TC2N: variants seen among roughly 807,000 people sequenced by gnomAD.
The protein encoded by TC2N is tandem C2 domains, nuclear, also known as tandem C2 domains nuclear protein.
TC2N carries 51 observed loss-of-function variants against 61.9 expected under a neutral mutation model. That is an observed-to-expected ratio of 0.82 (90% CI 0.66 to 1.04). TC2N has a LOEUF of 1.04. Among genes scored for constraint, TC2N ranks in the 50% least tolerant of loss-of-function variants. The probability of loss-of-function intolerance (pLI) is 0.00; values close to 1 mark genes in which losing one functional copy is unlikely to be tolerated. For missense variants in TC2N, 556 were observed against 566.7 expected (o/e 0.98, Z 0.19); for synonymous variants, 204 against 192.6 (o/e 1.06, Z -0.49).
intron 1 of TC2N, among the ~76,000 whole-genome samples, chr14:91,862,732 T>A (rs756420410): frequency 1.3e-5 from 2 of 152,250 alleles, no homozygotes; most frequent in Non-Finnish European, 2.9e-5. Context: ...TGTGCCTTAT[T>A]GTTCCAAAAC....
chr14:91,857,888 G>T (rs1328346589), intron 1 of TC2N, among the ~76,000 whole-genome samples: 2 of 152,192 alleles, frequency 1.3e-5, no homozygotes, highest in African/African-American at 4.8e-5. Flanking sequence ...AAGTGTTCAT[G>T]CAGGGATATT....
At chr14:91,783,623 T>C (rs79556865) in intron 11 of TC2N, among the ~76,000 whole-genome samples, 2,959 of 152,208 alleles carry the variant, frequency 0.019, 94 homozygotes, top group African/African-American at 0.067. Flanking sequence ...AATGTGCATT[T>C]TAAATCACCT....
At chr14:91,860,410 T>C (rs1008207706) in intron 1 of TC2N, among the ~76,000 whole-genome samples, 2 of 152,156 alleles carry the variant, frequency 1.3e-5, no homozygotes, top group African/African-American at 4.8e-5. Flanking sequence ...TCTCAGAGCC[T>C]TCAGTTTTCT....
rs143036210 is a variant in TC2N, at chr14:91,810,040, A to G, written c.301+2272T>C. ...CTGTTTTGTAGTGTGTACAGGAAGC[A>G]TGGTGCCAGCATCTGCTTCTAATCA... On this transcript the variant is annotated intron_variant, in intron 3 of 11. Coordinates refer to ENST00000435962, the MANE Select transcript of TC2N (RefSeq NM_001128596.3). Among the ~76,000 whole-genome samples, 101 of 152,336 alleles carry G rather than the reference A, an allele frequency of 6.6e-4. 2 individuals are homozygous for G. The East Asian group carries it at 0.018, about 27-fold the overall frequency.
chr14:91,809,878 A>G (rs186608656), intron 3 of TC2N, among the ~76,000 whole-genome samples: 2 of 152,312 alleles, frequency 1.3e-5, no homozygotes, highest in Admixed American at 6.5e-5. Flanking sequence ...TTTAAGTCCA[A>G]CCAGTTTACT....
At chr14:91,847,180 C>T (rs1252336524) in intron 1 of TC2N, among the ~76,000 whole-genome samples, 1 of 151,706 alleles carries the variant, frequency 6.6e-6, no homozygotes, top group Non-Finnish European at 1.5e-5. Context: ...ATTGCTTGAA[C>T]CCGGGAGGCA....
chr14:91,815,546 T>A (rs544198117), intron 1 of TC2N, among the ~76,000 whole-genome samples: 1 of 151,852 alleles, frequency 6.6e-6, no homozygotes, highest in African/African-American at 2.4e-5. Context: ...GTGCCTTTGT[T>A]CTAAATGCAC....
intron 8 of TC2N, among the ~76,000 whole-genome samples, chr14:91,794,524 G>A (rs1275630470): frequency 6.6e-6 from 1 of 152,086 alleles, no homozygotes; most frequent in Non-Finnish European, 1.5e-5. Context: ...GAAAATCCTA[G>A]GGCCCTTAAG....
At chr14:91,832,970 G>GTAAATGAT (rs1335519515) in intron 1 of TC2N, among the ~76,000 whole-genome samples, 2 of 152,160 alleles carry the variant, frequency 1.3e-5, no homozygotes, top group African/African-American at 4.8e-5. Flanking sequence ...AAAGCCATAG[G>GTAAATGAT]ATTCACATAG....
chr14:91,827,831 C>A (rs1047642864), intron 1 of TC2N, among the ~76,000 whole-genome samples: 3 of 152,242 alleles, frequency 2.0e-5, no homozygotes, highest in South Asian at 2.1e-4. Context: ...CTTTTATATT[C>A]TCCTGTTGCA....
chr14:91,790,649 A>T (rs1885598930), intron 9 of TC2N, among the ~76,000 whole-genome samples: 1 of 152,212 alleles, frequency 6.6e-6, no homozygotes, highest in African/African-American at 2.4e-5. Context: ...TCCCCAGAAA[A>T]TCCCTGAGTT....
At position 91,851,839 on chromosome 14, in the gene TC2N, C is replaced by T. The variant is rs560525811; in HGVS notation, c.-57+15423G>A. Among the ~76,000 whole-genome samples the T allele has an allele frequency of 2.0e-5, 3 of 152,314 alleles. No individual in the cohort carries two copies. In the South Asian group the frequency reaches 6.2e-4, roughly 32 times the overall value. On this transcript the variant is annotated intron_variant, in intron 1 of 11. Coordinates refer to ENST00000435962, the MANE Select transcript of TC2N (RefSeq NM_001128596.3). ...AGTAAAACTCTATACGTGGTGGAGT[C>T]TAGCTACTAAGACAAAAAGTGGTCC... is the stretch of plus-strand genomic sequence containing the variant.
chr14:91,791,214 AG>A (rs1418070465), intron 9 of TC2N, among the ~76,000 whole-genome samples: 5 of 37,804 alleles, frequency 1.3e-4, no homozygotes, highest in Non-Finnish European at 2.1e-4. Flanking sequence ...AGAAGAGGGG[AG>A]GGGAGGGAAG....
Position 91,782,829 on chromosome 14 carries a change from C to A in TC2N, c.*271G>T. The A allele has an allele frequency of 6.0e-6, 2 of 335,288 alleles. No individual in the cohort carries two copies. Among genetic ancestry groups the A allele is most frequent in the Non-Finnish European group, 1.1e-5 (2 of 184,650 alleles). 20.8% of individuals were successfully genotyped at this position (335,288 alleles called of 1,614,324 possible). ...TATCTATGGTTGATATTCTCACAGACTTTATAATTTATTTAGTCATCCTAA... is the reference window on the plus strand; with the variant it reads ...TATCTATGGTTGATATTCTCACAGAATTTATAATTTATTTAGTCATCCTAA... On this transcript the variant is annotated 3_prime_UTR_variant, in exon 12 of 12. Coordinates refer to ENST00000435962, the MANE Select transcript of TC2N (RefSeq NM_001128596.3).
At chr14:91,809,746 G>A (rs919875858) in intron 3 of TC2N, among the ~76,000 whole-genome samples, 2 of 152,172 alleles carry the variant, frequency 1.3e-5, no homozygotes, top group Non-Finnish European at 1.5e-5. Context: ...AGAGCTGCAG[G>A]AAAGTAAGGT....
At chr14:91,800,428 A>C in intron 4 of TC2N, 56 bp from the exon 5 acceptor site, 1 of 955,786 alleles carries the variant, frequency 1.0e-6, no homozygotes, top group Non-Finnish European at 1.6e-6. Context: ...AATTCTACTT[A>C]ATTACCATGA....
intron 1 of TC2N, among the ~76,000 whole-genome samples, chr14:91,828,646 T>C (rs186985235): frequency 9.9e-4 from 151 of 152,166 alleles, no homozygotes; most frequent in Non-Finnish European, 1.9e-3. Flanking sequence ...ACAAGTTTCC[T>C]TGAAAGTATT....
chr14:91,864,893 T>G (rs1026932883), intron 1 of TC2N, among the ~76,000 whole-genome samples: 1 of 150,814 alleles, frequency 6.6e-6, no homozygotes, highest in Non-Finnish European at 1.5e-5. Flanking sequence ...GCAATTCTCC[T>G]GCCTCAGTCT....
chr14:91,832,528 T>C (rs1429082792), intron 1 of TC2N, among the ~76,000 whole-genome samples: 1 of 152,008 alleles, frequency 6.6e-6, no homozygotes, highest in African/African-American at 2.4e-5. Flanking sequence ...AAACCCCCAA[T>C]GGGATACCAT....
Sources: gnomAD v4.1 joint callset for allele counts (sites outside exome capture counted in the v4.1 genomes callset) on GRCh38, gnomAD v4.1.1 for gene constraint, MANE v1.5 for transcripts, NCBI Gene and HGNC (gene_info 2026-07-23, HGNC 2026-07-21) for gene names.